Variants in DIP2C observed in about 807,000 individuals in gnomAD.
The protein encoded by DIP2C is disco-interacting protein 2 homolog C.
DIP2C carries 33 observed loss-of-function variants against 192.4 expected under a neutral mutation model. The ratio of observed to expected loss-of-function variants is 0.17; its 90% CI spans 0.13 to 0.23. The LOEUF (loss-of-function observed/expected upper bound fraction) is 0.23, where lower values mean the gene tolerates loss of function less well. DIP2C is among the 10% of genes least tolerant of loss of function. The pLI is 1.00. For missense variants in DIP2C, 1,537 were observed against 2,110.1 expected, an observed-to-expected ratio of 0.73 and a Z score of 5.32; for synonymous variants, 979 against 864.1, an observed-to-expected ratio of 1.13 and a Z score of -2.33.
intron 2 of DIP2C, among the ~76,000 whole-genome samples, chr10:485,821 A>T (rs1843973221): frequency 6.6e-6 from 1 of 152,228 alleles, no homozygotes; most frequent in African/African-American, 2.4e-5. Context: ...CAAATTTTCA[A>T]GGTCGCTCTT....
At chr10:315,482 A>C (rs891523078) in intron 31 of DIP2C, among the ~76,000 whole-genome samples, 2 of 152,232 alleles carry the variant, frequency 1.3e-5, no homozygotes, top group South Asian at 2.1e-4. Context: ...CCTGCAGAAG[A>C]AACAGCTCTT....
At chr10:456,379 C>T in intron 3 of DIP2C, among the ~76,000 whole-genome samples, 1 of 141,688 alleles carries the variant, frequency 7.1e-6, no homozygotes, top group Non-Finnish European at 1.5e-5. Flanking sequence ...GATGAGAACA[C>T]TCTGCAGTGA....
intron 1 of DIP2C, among the ~76,000 whole-genome samples, chr10:525,194 T>G (rs1846979215): frequency 6.6e-6 from 1 of 152,154 alleles, no homozygotes; most frequent in African/African-American, 2.4e-5. Context: ...GTACTTAATT[T>G]TATCACATTT....
At chr10:526,530 CAAAAAAA>C (rs11298752) in intron 1 of DIP2C, among the ~76,000 whole-genome samples, 4 of 139,054 alleles carry the variant, frequency 2.9e-5, no homozygotes, top group African/African-American at 5.5e-5. Context: ...CCTACCCCAC[CAAAAAAA>C]AAAAAAAAAA....
At chr10:647,941 G>A (rs992220807) in intron 1 of DIP2C, among the ~76,000 whole-genome samples, 6 of 151,560 alleles carry the variant, frequency 4.0e-5, no homozygotes, top group African/African-American at 1.5e-4. Flanking sequence ...CACATTTGAT[G>A]GCGGGAGAGA....
At chr10:633,003 C>T (rs1271684548) in intron 1 of DIP2C, among the ~76,000 whole-genome samples, 4 of 152,270 alleles carry the variant, frequency 2.6e-5, no homozygotes, top group Non-Finnish European at 5.9e-5. Flanking sequence ...GACGCAACGG[C>T]ACCCTCCTGG....
chr10:590,004 C>T (rs1851308482), intron 1 of DIP2C, among the ~76,000 whole-genome samples: 1 of 152,230 alleles, frequency 6.6e-6, no homozygotes, highest in African/African-American at 2.4e-5. Context: ...AAGAGAAATA[C>T]CTTTCACAGT....
intron 17 of DIP2C, among the ~76,000 whole-genome samples, chr10:378,742 C>A (rs1961983013): frequency 6.6e-6 from 1 of 151,890 alleles, no homozygotes; most frequent in African/African-American, 2.4e-5. Flanking sequence ...TGCATAAAGA[C>A]ACATGTGAAC....
chr10:351,282 G>A (rs1405346470), intron 24 of DIP2C, among the ~76,000 whole-genome samples: 1 of 152,190 alleles, frequency 6.6e-6, no homozygotes, highest in East Asian at 1.9e-4. Context: ...ACACATGGCG[G>A]GGCACGGTGA....
At chr10:595,745 A>C (rs577219951) in intron 1 of DIP2C, among the ~76,000 whole-genome samples, 5 of 152,306 alleles carry the variant, frequency 3.3e-5, no homozygotes, top group African/African-American at 1.2e-4. Context: ...GGCCCTCCAC[A>C]AAGTCAGGTT....
intron 1 of DIP2C, among the ~76,000 whole-genome samples, chr10:573,343 A>C (rs912749201): frequency 6.6e-6 from 1 of 152,214 alleles, no homozygotes; most frequent in African/African-American, 2.4e-5. Context: ...AATAAAAGAC[A>C]AACATAACTG....
intron 29 of DIP2C, among the ~76,000 whole-genome samples, chr10:333,980 T>TG (rs1196416164): frequency 7.2e-5 from 11 of 152,148 alleles, no homozygotes; most frequent in African/African-American, 2.7e-4. Flanking sequence ...CTCTTGCCCG[T>TG]GTTTATGTTG....
chr10:687,471 T>C (rs1448166495), intron 1 of DIP2C, among the ~76,000 whole-genome samples: 1 of 152,118 alleles, frequency 6.6e-6, no homozygotes, highest in Non-Finnish European at 1.5e-5. Flanking sequence ...CTCTCACCCT[T>C]TCTTCTTAAA....
chr10:407,794 G>T (rs1964913708), intron 9 of DIP2C, among the ~76,000 whole-genome samples: 1 of 152,064 alleles, frequency 6.6e-6, no homozygotes, highest in South Asian at 2.1e-4. Context: ...TTTGGTGGTG[G>T]TGACTTGTAG....
At chr10:621,644 C>T (rs1367777153) in intron 1 of DIP2C, among the ~76,000 whole-genome samples, 1 of 152,152 alleles carries the variant, frequency 6.6e-6, no homozygotes, top group Admixed American at 6.5e-5. Context: ...GGGGGAGACC[C>T]CTCGTGTGAT....
At chr10:461,505 A>T (rs916102835) in intron 3 of DIP2C, among the ~76,000 whole-genome samples, 3 of 152,206 alleles carry the variant, frequency 2.0e-5, no homozygotes, top group African/African-American at 7.2e-5. Context: ...ATATATACAT[A>T]CCCAATACAG....
In DIP2C at chr10:649,675, T is replaced by G. The variant is rs561314092; in HGVS notation, c.85+39819A>C. Among the ~76,000 whole-genome samples the G allele has an allele frequency of 4.6e-5, 7 of 152,372 alleles. No homozygotes were observed. The East Asian group carries it at 1.3e-3, about 29-fold the overall frequency. On this transcript the variant is annotated intron_variant, in intron 1 of 36. Coordinates refer to ENST00000280886, the MANE Select transcript of DIP2C (RefSeq NM_014974.3). ...CGGAAGTCAGAACAGTGTGTGCTATTCAAATTCTCGATGAATAATTAACTC... is the reference window on the plus strand; with the variant it reads ...CGGAAGTCAGAACAGTGTGTGCTATGCAAATTCTCGATGAATAATTAACTC...
At chr10:683,145 T>C (rs772446448) in intron 1 of DIP2C, among the ~76,000 whole-genome samples, 4 of 152,326 alleles carry the variant, frequency 2.6e-5, no homozygotes, top group Non-Finnish European at 4.4e-5. Flanking sequence ...CTGGTTGTAA[T>C]TGTAAATCTC....
At chr10:360,050 T>C (rs533086085) in intron 22 of DIP2C, among the ~76,000 whole-genome samples, 1 of 152,306 alleles carries the variant, frequency 6.6e-6, no homozygotes, top group African/African-American at 2.4e-5. Flanking sequence ...GAATTCAGAC[T>C]GGGGTAGGGA....
Sources: gnomAD v4.1 joint callset for allele counts (sites outside exome capture counted in the v4.1 genomes callset) on GRCh38, gnomAD v4.1.1 for gene constraint, MANE v1.5 for transcripts, NCBI Gene and HGNC (gene_info 2026-07-23, HGNC 2026-07-21) for gene names.